ITGAM: variants seen among roughly 807,000 people sequenced by gnomAD.
ITGAM encodes integrin subunit alpha M.
In ITGAM, 79 loss-of-function variants were observed where a neutral mutation model predicts 137.5. That is an observed-to-expected ratio of 0.57 (90% CI 0.48 to 0.69). The LOEUF (loss-of-function observed/expected upper bound fraction) is 0.69, where lower values mean the gene tolerates loss of function less well. Among genes scored for constraint, ITGAM ranks in the 30% least tolerant of loss-of-function variants. The pLI is 0.00. For missense variants in ITGAM, 1,343 were observed against 1,483.5 expected, an observed-to-expected ratio of 0.91 and a Z score of 1.56; for synonymous variants, 583 against 592.3, an observed-to-expected ratio of 0.98 and a Z score of 0.23.
chr16:31,277,907 G>A, intron 11 of ITGAM, 60 bp from the exon 12 acceptor site: 1 of 1,526,454 alleles, frequency 6.6e-7, no homozygotes, highest in Non-Finnish European at 8.8e-7. Context: ...CAAGGGGTGG[G>A]TCTGCATGGT....
intron 14 of ITGAM, among the ~76,000 whole-genome samples, chr16:31,301,257 G>A (rs191702399): frequency 3.3e-4 from 50 of 152,288 alleles, no homozygotes; most frequent in African/African-American, 1.1e-3. Context: ...TATGGTATAT[G>A]AGTCAAGTTG....
intron 23 of ITGAM, 155 bp from the exon 24 acceptor site, chr16:31,329,073 T>TTCCCCCTCCCCCCCCCCCCCCC: frequency 2.3e-6 from 1 of 426,236 alleles, no homozygotes; most frequent in Non-Finnish European, 4.5e-6. Context: ...ACACATTGGT[T>TTCCCCCTCCCCCCCCCCCCCCC]CCCCCATCCC....
rs200003591 is a variant in ITGAM at position 31,265,479 on chromosome 16, C to T, written c.219C>T (p.Cys73=). The T allele has an allele frequency of 9.8e-5, 157 of 1,599,474 alleles. No individual in the cohort carries two copies. Among genetic ancestry groups the T allele is most frequent in the African/African-American group, 4.3e-4 (32 of 74,606 alleles). Residue 73 remains cysteine, a synonymous_variant, in exon 3 of 30, where the codon TGC becomes TGT. Transcript: ENST00000544665. ...AGTGCGACTACAGCACAGGCTCATG[C>T]GAGCCCATCCGCCTGCAGGGTGAGT... The part of the protein sequence containing the change: ...LYQCDYSTGS[C]EPIRLQVPVE...
Position 31,332,143 on chromosome 16 carries a change from G to A in ITGAM, c.*436G>A, listed in dbSNP as rs1031172546. ...AACTGCCTGGGCTCCCTTGTGCGTG[G>A]GTGAAGCCGCTGCTGGGTTTTCCTC... On this transcript the variant is annotated 3_prime_UTR_variant, in exon 30 of 30. Transcript: ENST00000544665. 6.1e-6 allele frequency: 1 copy of A among 163,146 alleles called. No homozygotes were observed. Among genetic ancestry groups the A allele is most frequent in the Non-Finnish European group, 1.3e-5 (1 of 75,140 alleles). 10.1% of individuals were successfully genotyped at this position (163,146 alleles called of 1,614,324 possible). A position where few individuals can be genotyped will look rare whatever the true frequency, so the allele number is the denominator to read the frequency against.
chr16:31,270,734 TATATATATA>T (rs1283373633), intron 5 of ITGAM, among the ~76,000 whole-genome samples: 20 of 114,880 alleles, frequency 1.7e-4, no homozygotes, highest in South Asian at 4.8e-4. Context: ...TATATATATA[TATATATATA>T]TGTTTTTAAC....
chr16:31,264,892 G>A (rs1422822851), intron 2 of ITGAM, among the ~76,000 whole-genome samples: 1 of 152,098 alleles, frequency 6.6e-6, no homozygotes, highest in Non-Finnish European at 1.5e-5. Context: ...TTTTGGGACA[G>A]AGTCTTGCCC....
intron 23 of ITGAM, 155 bp from the exon 24 acceptor site, chr16:31,329,073 T>TTCCCCCCCCCCCCCCCCCCCCCCCCCC: frequency 7.0e-6 from 3 of 426,236 alleles, no homozygotes; most frequent in South Asian, 2.1e-5. Context: ...ACACATTGGT[T>TTCCCCCCCCCCCCCCCCCCCCCCCCCC]CCCCCATCCC....
rs750812889 is a variant in ITGAM, at chr16:31,275,626, G to A, written c.936G>A (p.Val312=). Residue 312 remains valine, a synonymous_variant, in exon 9 of 30, where the codon GTG becomes GTA. Transcript: ENST00000544665. ...CATCCAAGCCGCCTCGTGATCACGTGTTCCAGGTGAATAACTTTGAGGCTC... is the reference window on the plus strand; with the variant it reads ...CATCCAAGCCGCCTCGTGATCACGTATTCCAGGTGAATAACTTTGAGGCTC... ...TIASKPPRDH[V]FQVNNFEALK... is the part of the protein sequence containing the mutation. 2.4e-5 allele frequency: 38 copies of A among 1,613,826 alleles called. No homozygotes were observed. The highest frequency in any genetic ancestry group is 3.1e-5 in the Non-Finnish European group (36 of 1,179,878).
intron 12 of ITGAM, 71 bp downstream of exon 12, chr16:31,278,180 C>A: frequency 6.8e-7 from 1 of 1,481,196 alleles, no homozygotes; most frequent in Non-Finnish European, 9.1e-7. Flanking sequence ...CCAGGAGGGG[C>A]ATTCAGATGA....
At chr16:31,327,121 T>A in intron 22 of ITGAM, 186 bp downstream of exon 22, 1 of 633,648 alleles carries the variant, frequency 1.6e-6, no homozygotes, top group East Asian at 2.7e-5. Context: ...TGGTGGTGGA[T>A]CAGACGATAG....
At chr16:31,267,771 G>A (rs1233986069) in intron 5 of ITGAM, among the ~76,000 whole-genome samples, 3 of 151,834 alleles carry the variant, frequency 2.0e-5, no homozygotes, top group Non-Finnish European at 4.4e-5. Context: ...TTGTGCCTCC[G>A]CCTCCAGAGT....
intron 21 of ITGAM, among the ~76,000 whole-genome samples, chr16:31,326,371 G>A (rs762857367): frequency 2.0e-4 from 30 of 152,172 alleles, no homozygotes; most frequent in African/African-American, 3.1e-4. Flanking sequence ...CATTCATGTC[G>A]TAGTATATGT....
At chr16:31,278,195 C>A in intron 12 of ITGAM, 86 bp downstream of exon 12, 1 of 1,394,474 alleles carries the variant, frequency 7.2e-7, no homozygotes. Flanking sequence ...AGATGACATG[C>A]ATGGCCCTCT....
intron 14 of ITGAM, among the ~76,000 whole-genome samples, chr16:31,298,705 G>A (rs918772584): frequency 6.6e-6 from 1 of 152,250 alleles, no homozygotes; most frequent in Non-Finnish European, 1.5e-5. Context: ...CTTCACAGAT[G>A]TGGAATTGTG....
chr16:31,265,859 C>A lies in ITGAM; in HGVS notation c.287C>A (p.Thr96Asn). The A allele has an allele frequency of 6.2e-7, 1 of 1,613,962 alleles. No individual in the cohort carries two copies. The change falls in exon 4 of 30, where the codon ACC (threonine) becomes AAC (asparagine). Residue 96 changes from threonine (T) to asparagine (N), a missense_variant. Transcript: ENST00000544665. ...TCCCTGGGCCTGTCCCTGGCAGCCA[C>A]CACCAGCCCCCCTCAGCTGCTGGTG... is the stretch of plus-strand genomic sequence containing the variant. Reference protein sequence around the residue: ...NMSLGLSLAATTSPPQLLACG... With the variant: ...NMSLGLSLAANTSPPQLLACG...
At chr16:31,270,889 A>G in intron 5 of ITGAM, 65 bp from the exon 6 acceptor site, 4 of 1,215,754 alleles carry the variant, frequency 3.3e-6, no homozygotes, top group Non-Finnish European at 4.4e-6. Context: ...GAGGGCTGAC[A>G]TGCAAAAAAA....
chr16:31,328,122 G>T, intron 22 of ITGAM, 25 bp from the exon 23 acceptor site: 1 of 1,579,506 alleles, frequency 6.3e-7, no homozygotes, highest in African/African-American at 1.3e-5. Flanking sequence ...TCAAGAGCCG[G>T]CTGGAGCTCT....
Position 31,276,660 on chromosome 16 carries a change from C to T in ITGAM, c.1010-11C>T, listed in dbSNP as rs754676625. ...TGCTTTCTTTAATATAGAAACTTCT[C>T]CTCTTTACAGGTACTCAGACAGGAA... On this transcript the variant is annotated splice_polypyrimidine_tract_variant and intron_variant, in intron 9 of 29. Transcript: ENST00000544665. The T allele has an allele frequency of 5.5e-5, 89 of 1,603,740 alleles. No homozygotes were observed. The highest frequency in any genetic ancestry group is 7.4e-5 in the Non-Finnish European group (87 of 1,173,600).
At chr16:31,262,761 G>C (rs2079719876) in intron 2 of ITGAM, among the ~76,000 whole-genome samples, 1 of 151,904 alleles carries the variant, frequency 6.6e-6, no homozygotes, top group African/African-American at 2.4e-5. Context: ...AGATTGTATG[G>C]ACCCTGAAGC....
Sources: allele counts gnomAD v4.1 joint callset (sites outside exome capture counted in the v4.1 genomes callset), GRCh38; gene constraint gnomAD v4.1.1; transcripts MANE v1.5; gene names NCBI Gene and HGNC (gene_info 2026-07-23, HGNC 2026-07-21).